Variants in UHRF2 observed in about 807,000 individuals in gnomAD.
UHRF2 encodes the protein ubiquitin like with PHD and ring finger domains 2.
In UHRF2, 23 loss-of-function variants were observed where a neutral mutation model predicts 96.8. The ratio of observed to expected loss-of-function variants is 0.24; its 90% CI spans 0.17 to 0.34. The LOEUF (loss-of-function observed/expected upper bound fraction) is 0.34, where lower values mean the gene tolerates loss of function less well. Among genes scored for constraint, UHRF2 ranks in the 10% least tolerant of loss-of-function variants. The pLI is 1.00. For missense variants in UHRF2, 685 were observed against 981.5 expected (o/e 0.70, Z 4.04); for synonymous variants, 385 against 332.6 (o/e 1.16, Z -1.72).
At chr9:6,486,610 A>T (rs990791260) in intron 8 of UHRF2, among the ~76,000 whole-genome samples, 1 of 152,180 alleles carries the variant, frequency 6.6e-6, no homozygotes, top group African/African-American at 2.4e-5. Context: ...GTTTGAGGAG[A>T]TTTAAAATGA....
At chr9:6,474,304 C>G (rs1313250744) in intron 4 of UHRF2, among the ~76,000 whole-genome samples, 2 of 152,116 alleles carry the variant, frequency 1.3e-5, no homozygotes, top group African/African-American at 4.8e-5. Context: ...CAAGTGCTAA[C>G]CAAAAGAAAG....
chr9:6,487,171 A>ATTTTTTATTTTTTATTTTTAT (rs1824337943), intron 9 of UHRF2, among the ~76,000 whole-genome samples: 5 of 83,832 alleles, frequency 6.0e-5, no homozygotes, highest in African/African-American at 2.4e-4. Flanking sequence ...TAGAGCTTTT[A>ATTTTTTATTTTTTATTTTTAT]TTTTTTTTTC....
In UHRF2 at chr9:6,504,970, A is replaced by G. The variant is rs549059636; in HGVS notation, c.2262+279A>G. Among the ~76,000 whole-genome samples, 15 of 152,314 alleles carry G rather than the reference A, an allele frequency of 9.8e-5. No homozygotes were observed. The South Asian group carries it at 3.1e-3, about 32-fold the overall frequency. On this transcript the variant is annotated intron_variant, in intron 15 of 15. Coordinates refer to ENST00000276893, the MANE Select transcript of UHRF2 (RefSeq NM_152896.3). ...GTAAGAGGTCATTGCTCTTGTCTGT[A>G]ATAGCTTATATGTTTTATATATTAT...
chr9:6,444,357 T>A (rs1036636192), intron 3 of UHRF2, among the ~76,000 whole-genome samples: 24 of 152,346 alleles, frequency 1.6e-4, no homozygotes, highest in Admixed American at 6.5e-4. Context: ...AAGTTAGATA[T>A]GCATTTCATT....
At chr9:6,438,477 G>A (rs567441934) in intron 3 of UHRF2, among the ~76,000 whole-genome samples, 1 of 152,274 alleles carries the variant, frequency 6.6e-6, no homozygotes, top group African/African-American at 2.4e-5. Context: ...TTGCATTTAT[G>A]GCTTTATGGT....
chr9:6,458,478 T>C (rs1234342972), intron 3 of UHRF2, among the ~76,000 whole-genome samples: 1 of 152,102 alleles, frequency 6.6e-6, no homozygotes, highest in Non-Finnish European at 1.5e-5. Flanking sequence ...GAAGGGTTTT[T>C]CATCTCTCTA....
At chr9:6,430,769 A>T (rs55765959) in intron 2 of UHRF2, among the ~76,000 whole-genome samples, 1,822 of 152,256 alleles carry the variant, frequency 0.012, 29 homozygotes, top group Non-Finnish European at 0.017. Flanking sequence ...AACACAATAA[A>T]GGCTCTGGGC....
At chr9:6,482,281 G>A (rs538278607) in intron 8 of UHRF2, among the ~76,000 whole-genome samples, 182 bp downstream of exon 8, 4 of 152,192 alleles carry the variant, frequency 2.6e-5, no homozygotes, top group Admixed American at 2.6e-4. Flanking sequence ...CACAGAATTG[G>A]GCATTAGCTA....
intron 1 of UHRF2, among the ~76,000 whole-genome samples, chr9:6,416,902 T>G (rs185484692): frequency 1.3e-5 from 2 of 152,288 alleles, no homozygotes; most frequent in African/African-American, 4.8e-5. Context: ...CTTACCACTA[T>G]AGAGGTGGTC....
At chr9:6,416,258 T>A (rs1032183359) in intron 1 of UHRF2, among the ~76,000 whole-genome samples, 16 of 151,998 alleles carry the variant, frequency 1.1e-4, no homozygotes, top group African/African-American at 3.4e-4. Context: ...GAGACGAGGT[T>A]TCACCATTTT....
Position 6,477,609 on chromosome 9 carries a change from T to G in UHRF2, c.974-13T>G, listed in dbSNP as rs761472752. 1 of 1,583,430 alleles carries G rather than the reference T, an allele frequency of 6.3e-7. No homozygotes were observed. The highest frequency in any genetic ancestry group is 8.6e-7 in the Non-Finnish European group (1 of 1,164,056). ...TTTTAAGACTAGACTTGCTATAATTTTGTTCTTAATAGGGCGAAATGACCC... is the reference window on the plus strand; with the variant it reads ...TTTTAAGACTAGACTTGCTATAATTGTGTTCTTAATAGGGCGAAATGACCC... On this transcript the variant is annotated splice_polypyrimidine_tract_variant and intron_variant, in intron 5 of 15. Coordinates refer to ENST00000276893, the MANE Select transcript of UHRF2 (RefSeq NM_152896.3).
intron 9 of UHRF2, among the ~76,000 whole-genome samples, chr9:6,488,466 C>G (rs2130933363): frequency 6.6e-6 from 1 of 150,542 alleles, no homozygotes; most frequent in East Asian, 1.9e-4. Context: ...CCTTTTATAG[C>G]TACACCTATC....
intron 14 of UHRF2, 134 bp from the exon 15 acceptor site, chr9:6,504,459 A>G: frequency 3.5e-6 from 2 of 575,174 alleles, no homozygotes; most frequent in Non-Finnish European, 6.1e-6. Flanking sequence ...AATGTTCATC[A>G]CTATAAACAT....
At chr9:6,470,432 T>G (rs1053948948) in intron 4 of UHRF2, among the ~76,000 whole-genome samples, 1 of 148,538 alleles carries the variant, frequency 6.7e-6, no homozygotes, top group African/African-American at 2.5e-5. Context: ...AAAGCCAAAA[T>G]AAAAATATTA....
At chr9:6,459,995 T>G (rs1822430230) in intron 3 of UHRF2, among the ~76,000 whole-genome samples, 1 of 152,116 alleles carries the variant, frequency 6.6e-6, no homozygotes, top group South Asian at 2.1e-4. Context: ...AAAACTTGGG[T>G]TAAAAAAATG....
At chr9:6,474,195 A>C (rs908344672) in intron 4 of UHRF2, among the ~76,000 whole-genome samples, 3 of 152,204 alleles carry the variant, frequency 2.0e-5, no homozygotes, top group Admixed American at 6.5e-5. Context: ...CATGTTGATA[A>C]TTGGTTAAGC....
chr9:6,466,292 C>T (rs550439900), intron 4 of UHRF2, among the ~76,000 whole-genome samples: 4 of 152,148 alleles, frequency 2.6e-5, no homozygotes, highest in African/African-American at 9.6e-5. Flanking sequence ...AATCCCAGCA[C>T]TTTGGGAGGC....
intron 3 of UHRF2, among the ~76,000 whole-genome samples, chr9:6,456,930 G>A (rs1265977454): frequency 3.3e-5 from 5 of 152,166 alleles, no homozygotes; most frequent in South Asian, 2.1e-4. Context: ...ATAGTTTGAA[G>A]TCAGGTAGCA....
intron 8 of UHRF2, among the ~76,000 whole-genome samples, chr9:6,483,032 G>A (rs796414445): frequency 3.9e-5 from 6 of 152,096 alleles, no homozygotes; most frequent in African/African-American, 1.4e-4. Context: ...TGCTCAAATT[G>A]CACACAAGCT....
Sources: gnomAD v4.1 joint callset for allele counts (sites outside exome capture counted in the v4.1 genomes callset) on GRCh38, gnomAD v4.1.1 for gene constraint, MANE v1.5 for transcripts, NCBI Gene and HGNC (gene_info 2026-07-23, HGNC 2026-07-21) for gene names.